FAM149A: variants seen among roughly 807,000 people sequenced by gnomAD.
The protein encoded by FAM149A is protein FAM149A.
FAM149A carries 71 observed loss-of-function variants against 78.2 expected under a neutral mutation model. The observed-to-expected ratio is 0.91, with a 90% CI of 0.75 to 1.11. FAM149A has a LOEUF of 1.11. FAM149A is among the 50% of genes least tolerant of loss of function. FAM149A has a pLI of 0.00. For missense variants in FAM149A, 1,036 were observed against 971.0 expected (o/e 1.07, Z -0.89); for synonymous variants, 446 against 410.5 (o/e 1.09, Z -1.04).
At chr4:186,131,385 C>T (rs2099320668) in intron 1 of FAM149A, among the ~76,000 whole-genome samples, 2 of 151,320 alleles carry the variant, frequency 1.3e-5, no homozygotes, top group Non-Finnish European at 3.0e-5. Context: ...CACTCTCCCA[C>T]TCTCCATGTA....
intron 3 of FAM149A, 95 bp from the exon 4 acceptor site, chr4:186,151,808 A>G (rs1449096585): frequency 6.6e-7 from 1 of 1,522,536 alleles, no homozygotes; most frequent in Non-Finnish European, 8.9e-7. Context: ...ACCCTCCTAC[A>G]TAGTGGGTGA....
chr4:186,143,206 G>C (rs1344855766), intron 1 of FAM149A, among the ~76,000 whole-genome samples: 2 of 127,902 alleles, frequency 1.6e-5, no homozygotes, highest in Non-Finnish European at 3.1e-5. Flanking sequence ...TGCCCAGGCT[G>C]GTCTTGAACT....
Position 186,144,184 on chromosome 4 carries a change from G to T in FAM149A, c.567-4989G>T, listed in dbSNP as rs1011544873. On this transcript the variant is annotated intron_variant, in intron 1 of 13. Coordinates refer to ENST00000389354, the MANE Select transcript of FAM149A (RefSeq NM_001367768.3). The surrounding 1 kb of genome is among the most constrained non-coding windows in gnomAD (Gnocchi z 4.2). ...CTTCCCTTAGCATGTGAAAATGACG[G>T]CTTGGCAGTTTCACCAGCTCACAGG... is the stretch of plus-strand genomic sequence containing the variant. 1 of 152,196 alleles carries T rather than the reference G, an allele frequency of 6.6e-6. No individual in the cohort carries two copies. Among genetic ancestry groups the T allele is most frequent in the Non-Finnish European group, 1.5e-5 (1 of 68,072 alleles). 9.4% of individuals were successfully genotyped at this position (152,196 alleles called of 1,614,324 possible).
intron 1 of FAM149A, among the ~76,000 whole-genome samples, chr4:186,137,000 C>A (rs534459866): frequency 7.3e-6 from 1 of 136,850 alleles, no homozygotes. Flanking sequence ...CTCTCTCTCT[C>A]TCTCTCTCTC....
intron 1 of FAM149A, among the ~76,000 whole-genome samples, chr4:186,113,569 G>A (rs146067018): frequency 0.99 from 130,840 of 132,646 alleles, 64,572 homozygotes; most frequent in East Asian, 1. Context: ...CTTCGAATGC[G>A]TCCCAGAGTT....
At chr4:186,118,452 T>A (rs2150087849) in intron 1 of FAM149A, 1 of 153,076 alleles carries the variant, frequency 6.5e-6, no homozygotes, top group African/African-American at 2.4e-5. Context: ...TAATTAAACA[T>A]TTGGATTCAC....
chr4:186,147,504 A>G (rs1329154576), intron 1 of FAM149A, among the ~76,000 whole-genome samples: 4 of 152,238 alleles, frequency 2.6e-5, no homozygotes, highest in Admixed American at 2.6e-4. Flanking sequence ...CAGGAGAGGA[A>G]AAGTTAACTT....
At chr4:186,123,279 G>A (rs926679657) in intron 1 of FAM149A, 2 of 985,266 alleles carry the variant, frequency 2.0e-6, no homozygotes, top group Non-Finnish European at 2.4e-6. Flanking sequence ...AAGTATGGTT[G>A]TTAGTTTATG....
chr4:186,120,202 A>T (rs1320031836), intron 1 of FAM149A, among the ~76,000 whole-genome samples: 1 of 152,208 alleles, frequency 6.6e-6, no homozygotes, highest in Admixed American at 6.5e-5. Flanking sequence ...TTTTATGGAC[A>T]TTATCACAAA....
chr4:186,150,381 TTTGCTTGC>T (rs142373519), intron 3 of FAM149A, among the ~76,000 whole-genome samples: 23 of 63,102 alleles, frequency 3.6e-4, no homozygotes, highest in South Asian at 1.6e-3. Flanking sequence ...GTTGTTGTTT[TTTGCTTGC>T]TTGCTTTCTC....
At chr4:186,145,583 A>G (rs775109059) in intron 1 of FAM149A, among the ~76,000 whole-genome samples, 1 of 152,186 alleles carries the variant, frequency 6.6e-6, no homozygotes, top group Non-Finnish European at 1.5e-5. Context: ...GTAACTCTGG[A>G]TGATGATTTT....
chr4:186,158,385 C>T, intron 8 of FAM149A: 1 of 1,202,014 alleles, frequency 8.3e-7, no homozygotes, highest in Non-Finnish European at 1.1e-6. Context: ...AGGGAGCTCA[C>T]TCAGTGGGCC....
At chr4:186,148,890 A>T (rs1733248826) in intron 1 of FAM149A, among the ~76,000 whole-genome samples, 1 of 152,134 alleles carries the variant, frequency 6.6e-6, no homozygotes, top group Admixed American at 6.5e-5. Context: ...AGTCACAAAA[A>T]GTTGATGTTG....
intron 1 of FAM149A, among the ~76,000 whole-genome samples, chr4:186,111,255 T>C (rs923926906): frequency 1.2e-4 from 18 of 152,148 alleles, no homozygotes; most frequent in Non-Finnish European, 2.1e-4. Flanking sequence ...TGTTTTTTTC[T>C]TGTAAATTTG....
At position 186,153,684 on chromosome 4, in the gene FAM149A, C is replaced by T. The variant is rs143432779; in HGVS notation, c.972C>T (p.Gly324=). The change falls in exon 5 of 14, where the codon GGC becomes GGT. Residue 324 remains glycine, a synonymous_variant. Coordinates refer to ENST00000389354, the MANE Select transcript of FAM149A (RefSeq NM_001367768.3). ...AGCTGATCCTGCCCACTGACAAAGG[C>T]GTCCAGCATTTCCAGGGCAGCACTC... 1.9e-5 allele frequency: 30 copies of T among 1,613,906 alleles called. No homozygotes were observed. Among genetic ancestry groups the T allele is most frequent in the African/African-American group, 8.0e-5 (6 of 74,940 alleles).
intron 7 of FAM149A, 65 bp downstream of exon 7, chr4:186,156,255 TG>T: frequency 7.1e-7 from 1 of 1,408,392 alleles, no homozygotes; most frequent in Non-Finnish European, 9.8e-7. Flanking sequence ...CCTGGGCTCC[TG>T]CTCCCCAGCT....
chr4:186,113,023 G>C (rs2099311956), intron 1 of FAM149A, among the ~76,000 whole-genome samples: 1 of 141,532 alleles, frequency 7.1e-6, no homozygotes, highest in African/African-American at 2.6e-5. Context: ...AATCCATCTG[G>C]TCCTGGACTC....
chr4:186,151,081 T>C, intron 3 of FAM149A: 1 of 984,864 alleles, frequency 1.0e-6, no homozygotes, highest in Non-Finnish European at 1.2e-6. Flanking sequence ...TGTGCAGCTG[T>C]GATTCTCAGG....
chr4:186,143,149 C>CTTTTTTT (rs141403092), intron 1 of FAM149A, among the ~76,000 whole-genome samples: 4 of 85,022 alleles, frequency 4.7e-5, no homozygotes, highest in East Asian at 4.1e-4. Flanking sequence ...TCGATTTTTA[C>CTTTTTTT]TTTTTTTTTT....
Sources: allele counts gnomAD v4.1 joint callset (sites outside exome capture counted in the v4.1 genomes callset), GRCh38; gene constraint gnomAD v4.1.1; non-coding constraint Gnocchi (gnomAD v3.1); transcripts MANE v1.5; gene names NCBI Gene and HGNC (gene_info 2026-07-23, HGNC 2026-07-21).